Variants in GRID2 observed in about 807,000 individuals in gnomAD.
The protein encoded by GRID2 is glutamate receptor ionotropic, delta-2.
In GRID2, 33 loss-of-function variants were observed where a neutral mutation model predicts 114.8. The ratio of observed to expected loss-of-function variants is 0.29; its 90% CI spans 0.22 to 0.38. The LOEUF (loss-of-function observed/expected upper bound fraction) is 0.38, where lower values mean the gene tolerates loss of function less well. GRID2 is among the 10% of genes least tolerant of loss of function. The pLI is 1.00. For synonymous variants in GRID2, 505 were observed against 449.9 expected, an observed-to-expected ratio of 1.12 and a Z score of -1.55; for missense variants, 1,184 against 1,257.7, an observed-to-expected ratio of 0.94 and a Z score of 0.89.
intron 2 of GRID2, among the ~76,000 whole-genome samples, chr4:93,027,547 A>G (rs975613278): frequency 6.6e-6 from 1 of 152,132 alleles, no homozygotes; most frequent in Non-Finnish European, 1.5e-5. Context: ...CCTGTCTTGC[A>G]TTTTCACAGT....
intron 13 of GRID2, among the ~76,000 whole-genome samples, chr4:93,578,951 A>G (rs547861381): frequency 6.6e-6 from 1 of 152,270 alleles, no homozygotes; most frequent in South Asian, 2.1e-4. Context: ...ATAATTTTAT[A>G]TCTGTATACT....
At chr4:92,537,179 G>T (rs535041432) in intron 1 of GRID2, among the ~76,000 whole-genome samples, 2 of 152,006 alleles carry the variant, frequency 1.3e-5, no homozygotes, top group Admixed American at 6.6e-5. Flanking sequence ...ATTTACCATT[G>T]TGCACTCATT....
At chr4:93,784,787 G>A (rs1304690124) in intron 1 of GRID2, among the ~76,000 whole-genome samples, 1 of 152,002 alleles carries the variant, frequency 6.6e-6, no homozygotes, top group South Asian at 2.1e-4. Context: ...TTCCATAAAA[G>A]TGATACAATG....
chr4:93,467,809 A>G (rs1724435067), intron 11 of GRID2, among the ~76,000 whole-genome samples: 1 of 152,198 alleles, frequency 6.6e-6, no homozygotes, highest in Non-Finnish European at 1.5e-5. Context: ...TGACAATGTT[A>G]AGTTCTATTG....
chr4:92,966,753 C>A (rs774247495), intron 2 of GRID2, among the ~76,000 whole-genome samples: 14 of 151,918 alleles, frequency 9.2e-5, no homozygotes, highest in Non-Finnish European at 1.9e-4. Flanking sequence ...GTCATTAAAC[C>A]TCTTTTTCTG....
chr4:93,324,613 A>G (rs1757623945), intron 8 of GRID2, among the ~76,000 whole-genome samples: 1 of 152,154 alleles, frequency 6.6e-6, no homozygotes, highest in South Asian at 2.1e-4. Context: ...AAGGAATGGT[A>G]CCAGCTCCTC....
At chr4:92,865,502 G>T (rs1744794910) in intron 2 of GRID2, among the ~76,000 whole-genome samples, 1 of 152,138 alleles carries the variant, frequency 6.6e-6, no homozygotes, top group African/African-American at 2.4e-5. Context: ...AAGCACCTTT[G>T]TCTATAACTT....
At chr4:93,276,252 A>G (rs1052248398) in intron 8 of GRID2, among the ~76,000 whole-genome samples, 4 of 151,992 alleles carry the variant, frequency 2.6e-5, no homozygotes, top group African/African-American at 9.7e-5. Flanking sequence ...TTGAAATACA[A>G]TTGACTATAA....
chr4:92,950,586 A>G (rs917211201), intron 2 of GRID2, among the ~76,000 whole-genome samples: 1 of 152,164 alleles, frequency 6.6e-6, no homozygotes, highest in Non-Finnish European at 1.5e-5. Context: ...CCCAGAAGAA[A>G]CTGGGTTAGT....
intron 13 of GRID2, among the ~76,000 whole-genome samples, chr4:93,521,916 C>T (rs1468926673): frequency 6.6e-6 from 1 of 151,920 alleles, no homozygotes; most frequent in African/African-American, 2.4e-5. Flanking sequence ...AAAGAAAATG[C>T]TGAGTAATGA....
At chr4:92,332,757 A>C (rs1223578455) in intron 1 of GRID2, among the ~76,000 whole-genome samples, 1 of 152,230 alleles carries the variant, frequency 6.6e-6, no homozygotes, top group Non-Finnish European at 1.5e-5. Flanking sequence ...GCAGGCAAGA[A>C]GAAAAGAATA....
At position 92,537,546 on chromosome 4, in the gene GRID2, A is replaced by G. The variant is rs558003962; in HGVS notation, c.89-52585A>G. 8.5e-5 allele frequency among the ~76,000 whole-genome samples: 13 copies of G among 152,314 alleles called. No individual in the cohort carries two copies. In the South Asian group the frequency reaches 2.7e-3, roughly 32 times the overall value. ...TGAAAGGAGAAAGTATTTGGATTTC[A>G]AAGTTTTCATGCAAATATATTTTCT... On this transcript the variant is annotated intron_variant, in intron 1 of 15. Transcript: ENST00000282020.
At chr4:93,091,394 C>T (rs1340609841) in intron 3 of GRID2, among the ~76,000 whole-genome samples, 2 of 152,068 alleles carry the variant, frequency 1.3e-5, no homozygotes, top group Non-Finnish European at 2.9e-5. Flanking sequence ...TAAGAAAAGG[C>T]AAGTCCAACA....
chr4:93,581,991 T>C (rs1241819590), intron 13 of GRID2, among the ~76,000 whole-genome samples: 2 of 152,222 alleles, frequency 1.3e-5, no homozygotes, highest in African/African-American at 4.8e-5. Context: ...AGTCTCTGCA[T>C]ATTTTGTGCT....
rs1272317556 is a variant in GRID2, at chr4:92,815,591, G to A, written c.244+225305G>A. Among the ~76,000 whole-genome samples the A allele has an allele frequency of 2.0e-5, 3 of 151,934 alleles. No individual in the cohort carries two copies. In the East Asian group the frequency reaches 5.8e-4, roughly 29 times the overall value. On this transcript the variant is annotated intron_variant, in intron 2 of 15. Transcript: ENST00000282020. ...ATTGTACTAACACATGTTGATTTCT[G>A]AAATGTTATAATCTTATTATACTTA...
intron 2 of GRID2, among the ~76,000 whole-genome samples, chr4:92,643,673 C>A (rs1251902653): frequency 6.6e-6 from 1 of 151,618 alleles, no homozygotes; most frequent in African/African-American, 2.4e-5. Flanking sequence ...TTATGTTGTT[C>A]AGGTTGGTCT....
At chr4:93,188,373 G>A (rs918682265) in intron 4 of GRID2, among the ~76,000 whole-genome samples, 1 of 152,210 alleles carries the variant, frequency 6.6e-6, no homozygotes, top group African/African-American at 2.4e-5. Context: ...GGGCCCACAT[G>A]AGCAACAGTA....
At chr4:93,084,728 T>A (rs377577574) in intron 2 of GRID2, among the ~76,000 whole-genome samples, 20 of 152,314 alleles carry the variant, frequency 1.3e-4, no homozygotes, top group African/African-American at 4.6e-4. Flanking sequence ...GCGAGATTCA[T>A]GCTATTTTAC....
intron 1 of GRID2, among the ~76,000 whole-genome samples, chr4:92,438,957 T>C (rs1334369532): frequency 6.6e-6 from 1 of 152,168 alleles, no homozygotes; most frequent in Non-Finnish European, 1.5e-5. Context: ...TTGCATTTCA[T>C]GCGCGTCCCT....
Sources: allele counts gnomAD v4.1 joint callset (sites outside exome capture counted in the v4.1 genomes callset), GRCh38; gene constraint gnomAD v4.1.1; transcripts MANE v1.5; gene names NCBI Gene and HGNC (gene_info 2026-07-23, HGNC 2026-07-21).